The following UBE2E2 variants were observed in gnomAD, a reference collection of about 807,000 sequenced individuals.
The protein encoded by UBE2E2 is ubiquitin-conjugating enzyme E2 E2.
Under a neutral mutation model 24.7 loss-of-function variants are expected in UBE2E2, and 6 were observed. That is an observed-to-expected ratio of 0.24 (90% confidence interval 0.13 to 0.48). The LOEUF is 0.48. UBE2E2 is among the 20% of genes least tolerant of loss of function. The pLI is 0.99. For missense variants in UBE2E2, 169 were observed against 245.0 expected, an observed-to-expected ratio of 0.69 and a Z score of 2.07; for synonymous variants, 104 against 83.6, an observed-to-expected ratio of 1.24 and a Z score of -1.33.
At chr3:23,387,737 CGAA>C (rs749084919) in intron 3 of UBE2E2, among the ~76,000 whole-genome samples, 3 of 152,228 alleles carry the variant, frequency 2.0e-5, no homozygotes, top group African/African-American at 4.8e-5. Context: ...TGAAAATAAA[CGAA>C]GATAAATTAC....
intron 3 of UBE2E2, among the ~76,000 whole-genome samples, chr3:23,362,238 C>T (rs1221872349): frequency 6.6e-6 from 1 of 152,160 alleles, no homozygotes; most frequent in South Asian, 2.1e-4. Context: ...ATCAATCTAT[C>T]TGGGCTCAGT....
chr3:23,533,776 C>G (rs975880516), intron 5 of UBE2E2, among the ~76,000 whole-genome samples: 1 of 151,942 alleles, frequency 6.6e-6, no homozygotes, highest in African/African-American at 2.4e-5. Context: ...CCGTGTGCCG[C>G]CAAGCCCAGC....
intron 4 of UBE2E2, among the ~76,000 whole-genome samples, chr3:23,503,279 C>G (rs533534597): frequency 2.0e-5 from 3 of 151,724 alleles, no homozygotes; most frequent in Non-Finnish European, 4.4e-5. Context: ...AACCTCCGCC[C>G]CCTGGATTCA....
intron 3 of UBE2E2, among the ~76,000 whole-genome samples, chr3:23,431,857 T>C (rs1698069196): frequency 6.6e-6 from 1 of 152,148 alleles, no homozygotes; most frequent in Non-Finnish European, 1.5e-5. Flanking sequence ...ATTCAAAATA[T>C]TTTCAGTAAG....
intron 3 of UBE2E2, among the ~76,000 whole-genome samples, chr3:23,472,960 A>T (rs978935010): frequency 6.6e-6 from 1 of 152,082 alleles, no homozygotes; most frequent in Non-Finnish European, 1.5e-5. Context: ...GCCCTGTAAC[A>T]CAAAAGTTTT....
intron 3 of UBE2E2, among the ~76,000 whole-genome samples, chr3:23,227,657 T>C (rs1476523869): frequency 6.6e-6 from 1 of 152,162 alleles, no homozygotes; most frequent in Non-Finnish European, 1.5e-5. Flanking sequence ...ATAGACTTTT[T>C]GAAGACAAAA....
chr3:23,341,611 A>G (rs1325766025), intron 3 of UBE2E2, among the ~76,000 whole-genome samples: 1 of 152,210 alleles, frequency 6.6e-6, no homozygotes, highest in African/African-American at 2.4e-5. Context: ...TAAAGGTAGC[A>G]TTTTAAAACT....
chr3:23,417,590 G>C (rs1697672586), intron 3 of UBE2E2, among the ~76,000 whole-genome samples: 1 of 152,214 alleles, frequency 6.6e-6, no homozygotes, highest in Non-Finnish European at 1.5e-5. Context: ...GCTGTGCTGG[G>C]AGATCCACTG....
At chr3:23,222,666 A>T (rs899710898) in intron 3 of UBE2E2, among the ~76,000 whole-genome samples, 1 of 152,176 alleles carries the variant, frequency 6.6e-6, no homozygotes, top group Non-Finnish European at 1.5e-5. Flanking sequence ...TCTTTTTGTA[A>T]ATTGCCCAGT....
At chr3:23,511,792 C>T (rs1694599751) in intron 4 of UBE2E2, among the ~76,000 whole-genome samples, 1 of 151,930 alleles carries the variant, frequency 6.6e-6, no homozygotes, top group African/African-American at 2.4e-5. Flanking sequence ...ATAATAATAC[C>T]TCATAAAATA....
intron 5 of UBE2E2, among the ~76,000 whole-genome samples, chr3:23,547,522 G>T (rs1695550747): frequency 6.6e-6 from 1 of 152,190 alleles, no homozygotes; most frequent in Non-Finnish European, 1.5e-5. Flanking sequence ...GTGGTGGTCT[G>T]TTAATACAGT....
At chr3:23,358,159 AC>A (rs1696015737) in intron 3 of UBE2E2, among the ~76,000 whole-genome samples, 1 of 152,106 alleles carries the variant, frequency 6.6e-6, no homozygotes, top group South Asian at 2.1e-4. Flanking sequence ...AAGGAAGAAA[AC>A]TGATAGGAGG....
chr3:23,321,220 G>C (rs574919650), intron 3 of UBE2E2, among the ~76,000 whole-genome samples: 1 of 152,306 alleles, frequency 6.6e-6, no homozygotes, highest in South Asian at 2.1e-4. Flanking sequence ...GGTCGACTCT[G>C]ATTAACTTAC....
At chr3:23,582,371 C>G (rs1046074476) in intron 5 of UBE2E2, among the ~76,000 whole-genome samples, 1 of 152,082 alleles carries the variant, frequency 6.6e-6, no homozygotes, top group African/African-American at 2.4e-5. Context: ...GGTGAACATA[C>G]ACATACATGT....
At chr3:23,510,284 TCAGA>T (rs1373444343) in intron 4 of UBE2E2, among the ~76,000 whole-genome samples, 1 of 152,062 alleles carries the variant, frequency 6.6e-6, no homozygotes. Context: ...AGAAACAAAG[TCAGA>T]CAGTCAACAA....
chr3:23,454,884 TA>T (rs1698642069), intron 3 of UBE2E2, among the ~76,000 whole-genome samples: 1 of 152,202 alleles, frequency 6.6e-6, no homozygotes, highest in Non-Finnish European at 1.5e-5. Flanking sequence ...TAGAAAATGT[TA>T]GGAATTTTTT....
intron 3 of UBE2E2, among the ~76,000 whole-genome samples, chr3:23,492,499 A>G (rs924719156): frequency 6.6e-6 from 1 of 152,202 alleles, no homozygotes; most frequent in Admixed American, 6.5e-5. Context: ...GGGTTGTAGG[A>G]TTAGCAGACA....
chr3:23,212,592 G>T (rs986284788), intron 2 of UBE2E2, among the ~76,000 whole-genome samples: 1 of 128,400 alleles, frequency 7.8e-6, no homozygotes, highest in Non-Finnish European at 1.6e-5. Flanking sequence ...GATACTGTTC[G>T]AGGTATGGTT....
chr3:23,369,883 TA>T (rs1437131586), intron 3 of UBE2E2, among the ~76,000 whole-genome samples: 1 of 152,226 alleles, frequency 6.6e-6, no homozygotes, highest in Non-Finnish European at 1.5e-5. Context: ...TCTCTAAACC[TA>T]AAACAAGTTT....
Sources: gnomAD v4.1 joint callset for allele counts (sites outside exome capture counted in the v4.1 genomes callset) on GRCh38, gnomAD v4.1.1 for gene constraint, MANE v1.5 for transcripts, NCBI Gene and HGNC (gene_info 2026-07-23, HGNC 2026-07-21) for gene names.